The following VOPP1 variants were observed in gnomAD, a reference collection of about 807,000 sequenced individuals.
VOPP1 encodes the protein WW domain binding protein VOPP1.
In VOPP1, 8 loss-of-function variants were observed where a neutral mutation model predicts 23.5. The ratio of observed to expected loss-of-function variants is 0.34; its 90% CI spans 0.20 to 0.61. The LOEUF (loss-of-function observed/expected upper bound fraction) is 0.61. Ranked by LOEUF, VOPP1 falls within the 20% of genes least tolerant of loss-of-function variation. The pLI is 0.78. For synonymous variants in VOPP1, 83 were observed against 97.3 expected, an observed-to-expected ratio of 0.85 and a Z score of 0.86; for missense variants, 174 against 238.1, an observed-to-expected ratio of 0.73 and a Z score of 1.77.
Position 55,524,505 on chromosome 7 carries a change from T to C in VOPP1, c.55-3375A>G, listed in dbSNP as rs570017994. 1.3e-3 allele frequency among the ~76,000 whole-genome samples: 199 copies of C among 152,322 alleles called. 1 individual carries two copies. The highest frequency in any genetic ancestry group is 4.5e-3 in the African/African-American group (187 of 41,560). On this transcript the variant is annotated intron_variant, in intron 1 of 4. Coordinates refer to ENST00000285279, the MANE Select transcript of VOPP1 (RefSeq NM_030796.5). The stretch of plus-strand genomic sequence containing the variant: ...AGCTTTCTCCTGAGGAATGCCAACA[T>C]CGTAATACTACACACATGTACTAAC...
chr7:55,458,453 T>G (rs568320063), intron 4 of VOPP1, among the ~76,000 whole-genome samples: 17 of 152,160 alleles, frequency 1.1e-4, no homozygotes, highest in Non-Finnish European at 2.5e-4. Context: ...TCAATTTCTG[T>G]GACAAATGAC....
intron 1 of VOPP1, among the ~76,000 whole-genome samples, 189 bp downstream of exon 1, chr7:55,572,082 G>T (rs916448925): frequency 2.6e-4 from 39 of 152,192 alleles, no homozygotes; most frequent in African/African-American, 9.4e-4. Flanking sequence ...GCGGACCGGG[G>T]CGGGAGCCTC....
At position 55,465,434 on chromosome 7, in the gene VOPP1, C is replaced by A. The variant is rs189472640; in HGVS notation, n.417+26848G>T. ...GGTGTATGTGAAAACCCTTGGCTTC[C>A]TTTACATGATCGTAGTCTGAAAGAT... is the stretch of plus-strand genomic sequence containing the variant. On this transcript the variant is annotated intron_variant and non_coding_transcript_variant, in intron 4 of 4. Coordinates refer to the VOPP1 transcript ENST00000462326. Among the ~76,000 whole-genome samples, 6 of 152,274 alleles carry A rather than the reference C, an allele frequency of 3.9e-5. No individual in the cohort carries two copies. In the East Asian group the frequency reaches 1.2e-3, roughly 29 times the overall value.
chr7:55,509,293 T>TA (rs145653754), intron 2 of VOPP1, among the ~76,000 whole-genome samples: 1,670 of 152,302 alleles, frequency 0.011, 11 homozygotes, highest in Middle Eastern at 0.02. Context: ...GGGTAATTTA[T>TA]AAACAACAGA....
At chr7:55,567,187 T>C (rs989703061) in intron 1 of VOPP1, among the ~76,000 whole-genome samples, 1 of 152,238 alleles carries the variant, frequency 6.6e-6, no homozygotes, top group Non-Finnish European at 1.5e-5. Flanking sequence ...GCTTTACTCA[T>C]TCAAGTCTCC....
chr7:55,572,444 G>C lies in VOPP1; in HGVS notation c.-120C>G. 2.8e-6 allele frequency: 2 copies of C among 709,574 alleles called. No homozygotes were observed. Among genetic ancestry groups the C allele is most frequent in the Non-Finnish European group, 3.5e-6 (2 of 567,224 alleles). 44.0% of individuals were successfully genotyped at this position (709,574 alleles called of 1,614,324 possible). A position where few individuals can be genotyped will look rare whatever the true frequency, so the allele number is the denominator to read the frequency against. On this transcript the variant is annotated 5_prime_UTR_variant, in exon 1 of 5. Coordinates refer to ENST00000285279, the MANE Select transcript of VOPP1 (RefSeq NM_030796.5). ...CGGGAGCCGTCCCGCCGACCGCTGG[G>C]GGGCCCGGCTGGGAGCGGGCGGGAG...
chr7:55,518,495 G>A (rs1795621828), intron 2 of VOPP1, among the ~76,000 whole-genome samples: 1 of 152,336 alleles, frequency 6.6e-6, no homozygotes, highest in South Asian at 2.1e-4. Context: ...TGGTTTGCTG[G>A]TGTTGTCAGC....
chr7:55,515,936 C>T, intron 2 of VOPP1: 1 of 984,210 alleles, frequency 1.0e-6, no homozygotes, highest in Non-Finnish European at 1.2e-6. Flanking sequence ...CAGTTCCTAC[C>T]TTTATCTTCT....
intron 2 of VOPP1, among the ~76,000 whole-genome samples, chr7:55,500,388 A>G (rs1301007472): frequency 6.6e-6 from 1 of 152,262 alleles, no homozygotes; most frequent in African/African-American, 2.4e-5. Flanking sequence ...AGGCACCAAC[A>G]GCAATCCCAG....
chr7:55,436,569 T>C (rs1266091644), intron 4 of VOPP1, among the ~76,000 whole-genome samples: 1 of 151,706 alleles, frequency 6.6e-6, no homozygotes, highest in Non-Finnish European at 1.5e-5. Context: ...AGTCCTCTGC[T>C]TGGCAGCCCT....
chr7:55,478,582 T>C (rs1792451186), intron 4 of VOPP1, among the ~76,000 whole-genome samples: 1 of 152,002 alleles, frequency 6.6e-6, no homozygotes, highest in South Asian at 2.1e-4. Context: ...AACAAAAAAA[T>C]GGGTGAGGGA....
intron 1 of VOPP1, among the ~76,000 whole-genome samples, chr7:55,557,821 G>A (rs1251223045): frequency 3.9e-5 from 6 of 152,254 alleles, no homozygotes; most frequent in Non-Finnish European, 8.8e-5. Context: ...GAGCAAATGA[G>A]AGGGTGTGTA....
chr7:55,530,758 G>C lies in VOPP1; in HGVS notation c.55-9628C>G, dbSNP rs189132934. 8 of 152,298 alleles carry C rather than the reference G, an allele frequency of 5.3e-5. No individual in the cohort carries two copies. The East Asian group carries it at 1.5e-3, about 29-fold the overall frequency. The allele number at this position is 152,298 out of a possible 1,614,324, so 9.4% of individuals were successfully genotyped here. A position where few individuals can be genotyped will look rare whatever the true frequency, so the allele number is the denominator to read the frequency against. On this transcript the variant is annotated intron_variant, in intron 1 of 4. Coordinates refer to ENST00000285279, the MANE Select transcript of VOPP1 (RefSeq NM_030796.5). ...CTAAAATGACTGAATCCACATGAAA[G>C]ACCCGATCTCCATGCCCCCAAAATA...
intron 1 of VOPP1, among the ~76,000 whole-genome samples, chr7:55,541,576 C>T (rs1797135252): frequency 6.6e-6 from 1 of 152,210 alleles, no homozygotes; most frequent in Non-Finnish European, 1.5e-5. Context: ...GCTAAACAGT[C>T]ATCACATAAC....
chr7:55,519,145 G>T (rs549442211), intron 2 of VOPP1, among the ~76,000 whole-genome samples: 3 of 152,168 alleles, frequency 2.0e-5, no homozygotes, highest in Non-Finnish European at 1.5e-5. Flanking sequence ...GCTGAACTTC[G>T]TGTTCTCATG....
chr7:55,463,496 T>G (rs1383692612), intron 4 of VOPP1, among the ~76,000 whole-genome samples: 1 of 152,234 alleles, frequency 6.6e-6, no homozygotes, highest in African/African-American at 2.4e-5. Flanking sequence ...GCTTTTATTT[T>G]GGGTGGGGGC....
rs371085072 is a variant in VOPP1, at chr7:55,505,101, T to C, written c.114-7411A>G. On this transcript the variant is annotated intron_variant, in intron 2 of 4. Transcript: ENST00000285279. ...TCATTCTGTCACTCAAGGCATTCACTATTCCTTCCAGTTTTCTGTCACTGA... is the reference window on the plus strand; with the variant it reads ...TCATTCTGTCACTCAAGGCATTCACCATTCCTTCCAGTTTTCTGTCACTGA... Among the ~76,000 whole-genome samples, 284 of 152,342 alleles carry C rather than the reference T, an allele frequency of 1.9e-3. 3 individuals carry two copies. Among genetic ancestry groups the C allele is most frequent in the East Asian group, 0.012 (63 of 5,190 alleles).
intron 4 of VOPP1, among the ~76,000 whole-genome samples, chr7:55,456,306 T>C (rs1791365514): frequency 6.6e-6 from 1 of 152,174 alleles, no homozygotes. Context: ...CAACAGATGC[T>C]TGAGAGGATG....
At chr7:55,439,762 A>G (rs1790919347) in intron 4 of VOPP1, among the ~76,000 whole-genome samples, 1 of 152,240 alleles carries the variant, frequency 6.6e-6, no homozygotes. Flanking sequence ...CCAGCTCAGC[A>G]GCATCTGCTG....
Sources: gnomAD v4.1 joint callset for allele counts (sites outside exome capture counted in the v4.1 genomes callset) on GRCh38, gnomAD v4.1.1 for gene constraint, MANE v1.5 for transcripts, NCBI Gene and HGNC (gene_info 2026-07-23, HGNC 2026-07-21) for gene names.